KCNH1: variants seen among roughly 807,000 people sequenced by gnomAD.
The protein encoded by KCNH1 is potassium voltage-gated channel subfamily H member 1.
In KCNH1, 27 loss-of-function variants were observed where a neutral mutation model predicts 69.2. That is an observed-to-expected ratio of 0.39 (90% CI 0.29 to 0.54). KCNH1 has a LOEUF of 0.54. KCNH1 is among the 20% of genes least tolerant of loss of function. KCNH1 has a pLI of 0.68. For synonymous variants in KCNH1, 456 were observed against 487.7 expected (o/e 0.93, Z 0.86); for missense variants, 798 against 1,261.6 (o/e 0.63, Z 5.57).
chr1:211,061,415 C>A (rs1020760021), intron 5 of KCNH1, among the ~76,000 whole-genome samples: 1 of 152,092 alleles, frequency 6.6e-6, no homozygotes, highest in Admixed American at 6.5e-5. Context: ...GACAGGGATG[C>A]TCATTTTCAC....
chr1:210,836,134 T>A (rs75707180), intron 7 of KCNH1, among the ~76,000 whole-genome samples: 18,896 of 114,632 alleles, frequency 0.16, 2,596 homozygotes, highest in African/African-American at 0.37. Context: ...AAAAAAAAAA[T>A]TTCTATATTG....
At chr1:211,059,754 AGT>A (rs998380232) in intron 5 of KCNH1, among the ~76,000 whole-genome samples, 49 of 147,796 alleles carry the variant, frequency 3.3e-4, no homozygotes, top group Non-Finnish European at 4.0e-4. Flanking sequence ...AGAAAAAAAG[AGT>A]GAGAGAGAGA....
At chr1:211,062,966 C>A (rs1359535558) in intron 5 of KCNH1, among the ~76,000 whole-genome samples, 1 of 152,124 alleles carries the variant, frequency 6.6e-6, no homozygotes, top group Non-Finnish European at 1.5e-5. Context: ...GGTATATTCC[C>A]AAAAGAAATA....
chr1:210,837,401 G>A (rs1159063105), intron 7 of KCNH1, among the ~76,000 whole-genome samples: 3 of 152,112 alleles, frequency 2.0e-5, no homozygotes, highest in Non-Finnish European at 4.4e-5. Context: ...CTTAAGGGCA[G>A]AACGTTCATT....
chr1:210,837,545 A>G (rs533313074), intron 7 of KCNH1, among the ~76,000 whole-genome samples: 2 of 152,328 alleles, frequency 1.3e-5, no homozygotes, highest in Admixed American at 1.3e-4. Flanking sequence ...GAAAAATGTT[A>G]AAACTTTTTC....
intron 10 of KCNH1, among the ~76,000 whole-genome samples, chr1:210,765,353 TA>T (rs1371541318): frequency 1.3e-5 from 2 of 152,160 alleles, no homozygotes; most frequent in Non-Finnish European, 2.9e-5. Context: ...CATCATGTAA[TA>T]TACCCATGTA....
At chr1:210,883,567 C>T (rs1686540785) in intron 7 of KCNH1, among the ~76,000 whole-genome samples, 1 of 152,228 alleles carries the variant, frequency 6.6e-6, no homozygotes, top group Non-Finnish European at 1.5e-5. Context: ...CATTTACTAG[C>T]TATGTGACCT....
At chr1:210,858,891 T>A in intron 7 of KCNH1, 1 of 300,638 alleles carries the variant, frequency 3.3e-6, no homozygotes, top group Non-Finnish European at 6.2e-6. Context: ...AGTGTCACTT[T>A]GAAGCTTCAG....
At chr1:211,039,618 G>A (rs1026613951) in intron 5 of KCNH1, among the ~76,000 whole-genome samples, 6 of 152,192 alleles carry the variant, frequency 3.9e-5, no homozygotes, top group Non-Finnish European at 7.3e-5. Context: ...TTGCATCAGC[G>A]TGACCTGGAT....
intron 10 of KCNH1, among the ~76,000 whole-genome samples, chr1:210,771,391 T>G (rs1434949862): frequency 6.6e-6 from 1 of 152,178 alleles, no homozygotes; most frequent in African/African-American, 2.4e-5. Flanking sequence ...GCTGACCTCT[T>G]CACTGTCAGG....
At chr1:210,987,301 C>T (rs528387252) in intron 6 of KCNH1, among the ~76,000 whole-genome samples, 1 of 152,278 alleles carries the variant, frequency 6.6e-6, no homozygotes, top group African/African-American at 2.4e-5. Flanking sequence ...CCATTCTCCA[C>T]CCAGCTTTGT....
intron 6 of KCNH1, among the ~76,000 whole-genome samples, chr1:210,922,916 A>G (rs1000507870): frequency 2.6e-5 from 4 of 152,184 alleles, no homozygotes; most frequent in African/African-American, 9.7e-5. Flanking sequence ...GGTCCCTGAA[A>G]TCATCTTTCA....
intron 7 of KCNH1, among the ~76,000 whole-genome samples, chr1:210,821,288 C>G (rs1211453921): frequency 6.6e-6 from 1 of 152,102 alleles, no homozygotes; most frequent in Non-Finnish European, 1.5e-5. Context: ...ACTGATATCA[C>G]CATTTAGTCC....
chr1:210,766,763 C>G (rs1163813255), intron 10 of KCNH1, among the ~76,000 whole-genome samples: 1 of 152,132 alleles, frequency 6.6e-6, no homozygotes. Context: ...AGAGATAAAC[C>G]AAAACCGCGT....
chr1:211,006,572 G>A (rs949547718), intron 6 of KCNH1, among the ~76,000 whole-genome samples: 4 of 147,368 alleles, frequency 2.7e-5, no homozygotes, highest in Non-Finnish European at 5.9e-5. Context: ...AACGATGAGG[G>A]ATGTCTGGGA....
At chr1:210,688,000 G>C (rs978084205) in intron 10 of KCNH1, among the ~76,000 whole-genome samples, 2 of 152,174 alleles carry the variant, frequency 1.3e-5, no homozygotes, top group Non-Finnish European at 2.9e-5. Context: ...ATTCCATGAT[G>C]CTCTAATAGG....
At chr1:211,046,532 A>G (rs796559458) in intron 5 of KCNH1, among the ~76,000 whole-genome samples, 2 of 152,222 alleles carry the variant, frequency 1.3e-5, no homozygotes, top group Admixed American at 6.5e-5. Flanking sequence ...TCACAACTCT[A>G]TGAGGTACCT....
chr1:211,097,126 C>T (rs552291889), intron 3 of KCNH1, among the ~76,000 whole-genome samples: 1 of 152,018 alleles, frequency 6.6e-6, no homozygotes, highest in South Asian at 2.1e-4. Context: ...ATGTGTGAGA[C>T]CTTAGCATAT....
At chr1:211,021,130 A>G (rs1341128117) in intron 5 of KCNH1, among the ~76,000 whole-genome samples, 2 of 152,124 alleles carry the variant, frequency 1.3e-5, no homozygotes, top group Non-Finnish European at 2.9e-5. Flanking sequence ...TAAGAATGAC[A>G]CAACAGACTT....
Sources: gnomAD v4.1 joint callset for allele counts (sites outside exome capture counted in the v4.1 genomes callset) on GRCh38, gnomAD v4.1.1 for gene constraint, MANE v1.5 for transcripts, NCBI Gene and HGNC (gene_info 2026-07-23, HGNC 2026-07-21) for gene names.